The following PLCE1 variants were observed in gnomAD, a reference collection of about 807,000 sequenced individuals.
PLCE1 encodes phospholipase C epsilon 1.
In PLCE1, 119 loss-of-function variants were observed where a neutral mutation model predicts 242.8. That is an observed-to-expected ratio of 0.49 (90% CI 0.42 to 0.57). PLCE1 has a LOEUF of 0.57. Among genes scored for constraint, PLCE1 ranks in the 20% least tolerant of loss-of-function variants. The probability of loss-of-function intolerance (pLI) is 0.00; values close to 1 mark genes in which losing one functional copy is unlikely to be tolerated. For missense variants in PLCE1, 2,441 were observed against 2,788.8 expected, an observed-to-expected ratio of 0.88 and a Z score of 2.81; for synonymous variants, 945 against 1,017.4, an observed-to-expected ratio of 0.93 and a Z score of 1.35.
At chr10:94,153,945 T>A (rs1340370072) in intron 3 of PLCE1, among the ~76,000 whole-genome samples, 1 of 152,214 alleles carries the variant, frequency 6.6e-6, no homozygotes, top group Admixed American at 6.5e-5. Flanking sequence ...AATGGCAATA[T>A]CTTTGCAAAG....
intron 4 of PLCE1, among the ~76,000 whole-genome samples, chr10:94,190,898 C>T (rs1310338221): frequency 1.3e-5 from 2 of 152,228 alleles, no homozygotes; most frequent in Admixed American, 6.5e-5. Context: ...AAGGGATGAG[C>T]GAGCCATGAG....
At chr10:94,160,037 G>A (rs2047558952) in intron 3 of PLCE1, among the ~76,000 whole-genome samples, 2 of 152,112 alleles carry the variant, frequency 1.3e-5, no homozygotes, top group African/African-American at 4.8e-5. Flanking sequence ...ATTTGGCTTG[G>A]TTCCAAGTCT....
intron 2 of PLCE1, chr10:94,105,027 C>T (rs1046139286): frequency 6.6e-6 from 1 of 152,164 alleles, no homozygotes; most frequent in Non-Finnish European, 1.5e-5. Context: ...TCTTTTGAGT[C>T]TGGAATATAA....
chr10:94,252,180 T>C (rs945952941), intron 8 of PLCE1, 136 bp from the exon 9 acceptor site: 1 of 735,514 alleles, frequency 1.4e-6, no homozygotes, highest in African/African-American at 1.7e-5. Context: ...AAACAGTCAC[T>C]TGGGTGGCCA....
At chr10:94,193,207 G>A (rs1394595224) in intron 4 of PLCE1, among the ~76,000 whole-genome samples, 1 of 152,202 alleles carries the variant, frequency 6.6e-6, no homozygotes, top group African/African-American at 2.4e-5. Context: ...TTTAGCCTGA[G>A]ATTTGGATAG....
At chr10:94,260,985 T>C (rs1336044571) in intron 13 of PLCE1, among the ~76,000 whole-genome samples, 1 of 152,216 alleles carries the variant, frequency 6.6e-6, no homozygotes, top group Non-Finnish European at 1.5e-5. Flanking sequence ...TTAATATTGA[T>C]ATATTATGAT....
chr10:94,088,895 A>G (rs956740287), intron 2 of PLCE1: 3 of 458,802 alleles, frequency 6.5e-6, no homozygotes, highest in African/African-American at 3.9e-5. Context: ...ACTAAAACGC[A>G]AGGACATTTT....
intron 2 of PLCE1, among the ~76,000 whole-genome samples, chr10:94,040,138 TAGC>T (rs1340092314): frequency 1.3e-5 from 2 of 152,186 alleles, no homozygotes; most frequent in African/African-American, 4.8e-5. Flanking sequence ...ATTTTTTTTG[TAGC>T]AGCAAGATCT....
Position 94,236,039 on chromosome 10 carries a change from G to T in PLCE1, c.2339G>T (p.Ser780Ile), listed in dbSNP as rs1589395804. ...CAGGTCATCCGGAGCTGCAATCGAA[G>T]TCTGGAGACAGACGAGGAGGACAGC... is the stretch of plus-strand genomic sequence containing the variant. The part of the protein sequence containing the change: ...IFQVIRSCNR[S>I]LETDEEDSPS... The change falls in exon 7 of 33, where the codon AGT (serine) becomes ATT (isoleucine). Residue 780 changes from serine to isoleucine, a missense_variant. Ser to Ile is a moderately radical substitution (Grantham distance 142). Around this residue, in one of 5 missense-constraint regions of PLCE1, gnomAD observed 733 missense variants for 754.2 expected, o/e 0.97. Coordinates refer to ENST00000371380, the MANE Select transcript of PLCE1 (RefSeq NM_016341.4). 2.5e-6 allele frequency: 4 copies of T among 1,614,132 alleles called. No homozygotes were observed. The East Asian group carries it at 8.9e-5, about 36-fold the overall frequency.
At chr10:94,179,065 A>G (rs999966207) in intron 4 of PLCE1, among the ~76,000 whole-genome samples, 2 of 152,074 alleles carry the variant, frequency 1.3e-5, no homozygotes, top group African/African-American at 4.8e-5. Flanking sequence ...GGAAAATCAA[A>G]TTTTTCCTTG....
At chr10:94,007,809 T>C (rs190494333) in intron 1 of PLCE1, among the ~76,000 whole-genome samples, 45 of 151,308 alleles carry the variant, frequency 3.0e-4, no homozygotes, top group Non-Finnish European at 4.4e-4. Flanking sequence ...AAAGATATAC[T>C]TTTGTTTTCG....
At chr10:94,093,610 C>T (rs569165157) in intron 2 of PLCE1, among the ~76,000 whole-genome samples, 1 of 152,364 alleles carries the variant, frequency 6.6e-6, no homozygotes, top group East Asian at 1.9e-4. Flanking sequence ...CCTAGCTGCA[C>T]AGTCCCACTG....
At chr10:94,256,107 T>C (rs1045171084) in intron 11 of PLCE1, among the ~76,000 whole-genome samples, 2 of 151,438 alleles carry the variant, frequency 1.3e-5, no homozygotes, top group African/African-American at 4.9e-5. Flanking sequence ...GGAGGATCAC[T>C]TGAGCCCCCA....
intron 2 of PLCE1, among the ~76,000 whole-genome samples, chr10:94,097,822 G>A (rs1200609241): frequency 6.6e-6 from 1 of 152,182 alleles, no homozygotes; most frequent in Non-Finnish European, 1.5e-5. Context: ...CCAGAGCTGG[G>A]GCAGTCAGAA....
At chr10:94,089,296 T>G (rs1041637437) in intron 2 of PLCE1, 17 of 1,614,044 alleles carry the variant, frequency 1.1e-5, no homozygotes, top group Non-Finnish European at 1.4e-5. Context: ...GAAGGTTGGT[T>G]GGCTCTTCCC....
chr10:94,132,759 G>A (rs1197815000), intron 3 of PLCE1, among the ~76,000 whole-genome samples: 1 of 152,028 alleles, frequency 6.6e-6, no homozygotes, highest in Admixed American at 6.6e-5. Flanking sequence ...GACCATCCTG[G>A]CCAACACGGT....
At chr10:94,256,323 C>CAAAAAAAAAAA (rs1316929334) in intron 11 of PLCE1, among the ~76,000 whole-genome samples, 2 of 56,248 alleles carry the variant, frequency 3.6e-5, no homozygotes, top group African/African-American at 6.8e-5. Context: ...GAGCTTGTCT[C>CAAAAAAAAAAA]AAAAAAAAAA....
At chr10:94,034,020 A>G (rs2061615416) in intron 2 of PLCE1, among the ~76,000 whole-genome samples, 1 of 152,206 alleles carries the variant, frequency 6.6e-6, no homozygotes. Context: ...ACAGTTCCAC[A>G]TGGTTGGGCA....
intron 4 of PLCE1, 111 bp from the exon 5 acceptor site, chr10:94,227,195 A>G: frequency 9.5e-7 from 1 of 1,051,788 alleles, no homozygotes. Context: ...CAGGTCTTTC[A>G]TTTCCTAATA....
Sources: allele counts gnomAD v4.1 joint callset (sites outside exome capture counted in the v4.1 genomes callset), GRCh38; gene constraint gnomAD v4.1.1; regional missense constraint gnomAD v4.1.1; transcripts MANE v1.5; gene names NCBI Gene and HGNC (gene_info 2026-07-23, HGNC 2026-07-21).